Variants in LGSN observed in about 807,000 individuals in gnomAD.
LGSN encodes lengsin, lens protein with glutamine synthetase domain, also known as lengsin.
Under a neutral mutation model 19.5 loss-of-function variants are expected in LGSN, and 21 were observed. The observed-to-expected ratio is 1.07, with a 90% CI of 0.76 to 1.55. LGSN has a LOEUF of 1.55. Among genes scored for constraint, LGSN ranks in the 40% most tolerant of loss-of-function variants. The pLI is 0.00. For missense variants in LGSN, 673 were observed against 608.5 expected (o/e 1.11, Z -1.12); for synonymous variants, 257 against 215.6 (o/e 1.19, Z -1.68).
At chr6:63,423,329 G>C in the LGSN span, among the ~76,000 whole-genome samples, 1 of 152,216 alleles carries the variant, frequency 6.6e-6, no homozygotes, top group South Asian at 2.1e-4. Flanking sequence ...GGGTGACAGA[G>C]TGAGACCATG....
the LGSN span, among the ~76,000 whole-genome samples, chr6:63,326,440 C>T: frequency 6.6e-6 from 1 of 152,226 alleles, no homozygotes; most frequent in African/African-American, 2.4e-5. Flanking sequence ...AGTCCCGTGC[C>T]ATGCACCTGC....
the LGSN span, among the ~76,000 whole-genome samples, chr6:63,556,032 C>T: frequency 6.6e-6 from 1 of 151,966 alleles, no homozygotes; most frequent in Non-Finnish European, 1.5e-5. Flanking sequence ...TTTGGTATAA[C>T]ACAATAAAGA....
intron 1 of LGSN, among the ~76,000 whole-genome samples, chr6:63,319,634 T>C (rs897956485): frequency 6.6e-6 from 1 of 152,176 alleles, no homozygotes; most frequent in Admixed American, 6.5e-5. Context: ...TTTTATAGCA[T>C]ACTTATGCTT....
intron 1 of LGSN, among the ~76,000 whole-genome samples, chr6:63,316,139 TCTAA>T (rs914999066): frequency 2.6e-5 from 4 of 152,136 alleles, no homozygotes; most frequent in African/African-American, 9.7e-5. Context: ...ATTTTCACTT[TCTAA>T]CTGTTTAATC....
chr6:63,551,932 C>T, the LGSN span, among the ~76,000 whole-genome samples: 1 of 152,154 alleles, frequency 6.6e-6, no homozygotes, highest in Non-Finnish European at 1.5e-5. Context: ...TTTCTTAATC[C>T]AGTCTATCAC....
At chr6:63,568,829 G>C in the LGSN span, among the ~76,000 whole-genome samples, 1 of 152,150 alleles carries the variant, frequency 6.6e-6, no homozygotes, top group Non-Finnish European at 1.5e-5. Flanking sequence ...TGGCATACTT[G>C]AATTTTTAGG....
chr6:63,449,982 TGA>T, the LGSN span, among the ~76,000 whole-genome samples: 1 of 152,032 alleles, frequency 6.6e-6, no homozygotes, highest in African/African-American at 2.4e-5. Context: ...AATGTGTGTG[TGA>T]GAGAGAGAGT....
chr6:63,376,691 C>CA, the LGSN span, among the ~76,000 whole-genome samples: 1 of 152,284 alleles, frequency 6.6e-6, no homozygotes, highest in South Asian at 2.1e-4. Context: ...AAGGAATCAT[C>CA]AGAGAATAGG....
chr6:63,282,406 T>G (rs1562004306), intron 3 of LGSN, among the ~76,000 whole-genome samples: 1 of 152,178 alleles, frequency 6.6e-6, no homozygotes, highest in Non-Finnish European at 1.5e-5. Flanking sequence ...TCCTCTTTAG[T>G]TCTGGAGACT....
At chr6:63,335,056 T>G in the LGSN span, among the ~76,000 whole-genome samples, 8 of 147,572 alleles carry the variant, frequency 5.4e-5, no homozygotes, top group East Asian at 1.2e-3. Flanking sequence ...GGCAGGAGAA[T>G]CACTTGAACT....
chr6:63,297,649 A>T (rs1304801289), intron 1 of LGSN, among the ~76,000 whole-genome samples: 1 of 152,184 alleles, frequency 6.6e-6, no homozygotes, highest in Non-Finnish European at 1.5e-5. Flanking sequence ...TTCAGTAAAA[A>T]ACTTACTAGC....
intron 2 of LGSN, among the ~76,000 whole-genome samples, chr6:63,287,200 T>C (rs975590669): frequency 1.3e-5 from 2 of 152,234 alleles, no homozygotes; most frequent in Non-Finnish European, 2.9e-5. Flanking sequence ...GATAATGTGC[T>C]ATCACTGATA....
chr6:63,318,559 C>T (rs1456163619), intron 1 of LGSN, among the ~76,000 whole-genome samples: 4 of 152,118 alleles, frequency 2.6e-5, no homozygotes, highest in Non-Finnish European at 5.9e-5. Context: ...TGCTCTATTC[C>T]AACTTTGAGG....
the LGSN span, among the ~76,000 whole-genome samples, chr6:63,541,026 A>AAAGGAAGGAAGG: frequency 2.0e-5 from 3 of 146,466 alleles, no homozygotes; most frequent in African/African-American, 7.6e-5. Flanking sequence ...GGGAATGAAG[A>AAAGGAAGGAAGG]AAGGAAGGAA....
the LGSN span, among the ~76,000 whole-genome samples, chr6:63,486,703 G>A: frequency 4.1e-5 from 1 of 24,312 alleles, no homozygotes; most frequent in South Asian, 1.2e-3. Context: ...TTTTTTTTTT[G>A]AGACGGAGTC....
chr6:63,297,729 C>T (rs1343069692), intron 1 of LGSN, among the ~76,000 whole-genome samples: 4 of 152,160 alleles, frequency 2.6e-5, no homozygotes, highest in Admixed American at 6.6e-5. Flanking sequence ...AGGGCCTTGA[C>T]ATTCTCATCT....
chr6:63,297,926 T>C (rs147279684), intron 1 of LGSN, among the ~76,000 whole-genome samples: 1 of 152,272 alleles, frequency 6.6e-6, no homozygotes, highest in African/African-American at 2.4e-5. Flanking sequence ...TGTTTCTGTA[T>C]CTCATTCCCA....
At chr6:63,509,668 A>C in the LGSN span, among the ~76,000 whole-genome samples, 81,506 of 152,086 alleles carry the variant, frequency 0.54, 23,673 homozygotes, top group African/African-American at 0.77. Flanking sequence ...TAAATATTAA[A>C]CCTTAACCGT....
At position 63,280,117 on chromosome 6, in the gene LGSN, T is replaced by C; in HGVS notation, c.1434A>G (p.Glu478=). 1 of 1,614,206 alleles carries C rather than the reference T, an allele frequency of 6.2e-7. No homozygotes were observed. Among genetic ancestry groups the C allele is most frequent in the South Asian group, 1.1e-5 (1 of 91,058 alleles). Reference sequence around the variant, plus strand: ...TGGCAACAAAATATCGAATAAAGGTTTCTCCTAGAGCCTGTCTCAGGCATT... The same window carrying C: ...TGGCAACAAAATATCGAATAAAGGTCTCTCCTAGAGCCTGTCTCAGGCATT... ...EDQCLRQALG[E]TFIRYFVAMK... The change falls in exon 4 of 4, where the codon GAA becomes GAG. Residue 478 remains glutamate (E), a synonymous_variant. Transcript: ENST00000370657.
Sources: gnomAD v4.1 joint callset for allele counts (sites outside exome capture counted in the v4.1 genomes callset) on GRCh38, gnomAD v4.1.1 for gene constraint, MANE v1.5 for transcripts, NCBI Gene and HGNC (gene_info 2026-07-23, HGNC 2026-07-21) for gene names.